Variants in NCALD observed in about 807,000 individuals in gnomAD.
NCALD encodes neurocalcin delta.
Under a neutral mutation model 18.6 loss-of-function variants are expected in NCALD, and 10 were observed. The observed-to-expected ratio is 0.54, with a 90% CI of 0.33 to 0.91. NCALD has a LOEUF of 0.91. Among genes scored for constraint, NCALD ranks in the 40% least tolerant of loss-of-function variants. The pLI, the probability that NCALD is intolerant of heterozygous loss-of-function variation, is 0.03. For synonymous variants in NCALD, 88 were observed against 87.4 expected, an observed-to-expected ratio of 1.01 and a Z score of -0.04; for missense variants, 184 against 247.6, an observed-to-expected ratio of 0.74 and a Z score of 1.72.
chr8:101,963,306 G>A (rs776442492), intron 2 of NCALD, among the ~76,000 whole-genome samples: 15 of 152,104 alleles, frequency 9.9e-5, no homozygotes, highest in Non-Finnish European at 1.9e-4. Flanking sequence ...ATTAATTACT[G>A]AGCACACATA....
intron 1 of NCALD, among the ~76,000 whole-genome samples, chr8:102,024,754 C>T (rs530648242): frequency 2.6e-5 from 4 of 152,342 alleles, no homozygotes; most frequent in Admixed American, 1.3e-4. Flanking sequence ...CCTTCAGCAT[C>T]TTCAAGTAAT....
intron 1 of NCALD, among the ~76,000 whole-genome samples, chr8:102,064,546 T>C (rs1823943657): frequency 6.6e-6 from 1 of 152,196 alleles, no homozygotes; most frequent in Non-Finnish European, 1.5e-5. Context: ...CATCATTCAC[T>C]CCCTTTCTCA....
intron 1 of NCALD, among the ~76,000 whole-genome samples, chr8:102,026,480 G>T (rs1822462878): frequency 6.6e-6 from 1 of 152,178 alleles, no homozygotes; most frequent in South Asian, 2.1e-4. Context: ...AAATTTTAAA[G>T]CTCCAAAATA....
At chr8:101,883,524 A>G (rs1042991021) in intron 4 of NCALD, among the ~76,000 whole-genome samples, 2 of 152,222 alleles carry the variant, frequency 1.3e-5, no homozygotes, top group African/African-American at 4.8e-5. Flanking sequence ...ATTGTCTCAG[A>G]AACAAGAACA....
chr8:101,793,349 CAAAAAAA>C (rs945645876), upstream of NCALD, among the ~76,000 whole-genome samples: 1 of 75,700 alleles, frequency 1.3e-5, no homozygotes, highest in African/African-American at 4.4e-5. Flanking sequence ...GACTCCGTCT[CAAAAAAA>C]AAAAAAAAAA....
intron 1 of NCALD, among the ~76,000 whole-genome samples, chr8:101,731,353 G>A (rs1166304995): frequency 1.3e-5 from 2 of 152,064 alleles, no homozygotes; most frequent in East Asian, 3.9e-4. Context: ...GATTTATATT[G>A]GCAAGAACTT....
intron 2 of NCALD, among the ~76,000 whole-genome samples, chr8:101,964,900 A>C (rs966299776): frequency 5.9e-5 from 9 of 152,208 alleles, no homozygotes; most frequent in Non-Finnish European, 1.3e-4. Flanking sequence ...AAGGCTTCTT[A>C]AGGCGTGTGT....
intron 1 of NCALD, among the ~76,000 whole-genome samples, chr8:101,758,213 C>A (rs1012643865): frequency 2.0e-5 from 3 of 152,150 alleles, no homozygotes; most frequent in African/African-American, 7.2e-5. Flanking sequence ...AATCTGGCCC[C>A]AGCCTGCCTT....
chr8:101,941,152 C>G (rs1356704812), intron 2 of NCALD, among the ~76,000 whole-genome samples: 6 of 152,188 alleles, frequency 3.9e-5, no homozygotes, highest in African/African-American at 1.4e-4. Context: ...CTATCATAGA[C>G]CAGTGGTCCC....
chr8:102,047,160 T>G (rs1473768825), intron 1 of NCALD, among the ~76,000 whole-genome samples: 1 of 152,236 alleles, frequency 6.6e-6, no homozygotes, highest in Admixed American at 6.5e-5. Flanking sequence ...TCTTTTTACA[T>G]GGCTGCATAG....
At chr8:101,827,455 C>T (rs964198296) in intron 4 of NCALD, among the ~76,000 whole-genome samples, 1 of 152,188 alleles carries the variant, frequency 6.6e-6, no homozygotes, top group Non-Finnish European at 1.5e-5. Context: ...AGCCACAAGT[C>T]CCTGAACAAA....
intron 1 of NCALD, among the ~76,000 whole-genome samples, chr8:102,044,561 G>A (rs776933154): frequency 5.3e-5 from 8 of 152,238 alleles, no homozygotes; most frequent in Admixed American, 2.0e-4. Context: ...CCTATAACGC[G>A]GTAATCACTG....
At chr8:101,866,718 A>C (rs1341684404) in intron 4 of NCALD, among the ~76,000 whole-genome samples, 3 of 152,158 alleles carry the variant, frequency 2.0e-5, no homozygotes. Context: ...TCCAGAATCC[A>C]ACCTCTTCTC....
At chr8:101,720,772 T>C (rs1438418526) in intron 1 of NCALD, among the ~76,000 whole-genome samples, 1 of 152,252 alleles carries the variant, frequency 6.6e-6, no homozygotes, top group Non-Finnish European at 1.5e-5. Flanking sequence ...TTTCTCAATG[T>C]ATAAAAAGTG....
At chr8:101,829,403 C>T (rs754560641) in intron 4 of NCALD, among the ~76,000 whole-genome samples, 15 of 152,114 alleles carry the variant, frequency 9.9e-5, no homozygotes, top group Non-Finnish European at 1.6e-4. Flanking sequence ...ATAAAGACTC[C>T]ACTATATTTT....
chr8:102,062,798 G>A (rs1823889798), intron 1 of NCALD, among the ~76,000 whole-genome samples: 1 of 152,156 alleles, frequency 6.6e-6, no homozygotes, highest in Non-Finnish European at 1.5e-5. Flanking sequence ...CAATCCACAA[G>A]CTCTTATAAA....
intron 2 of NCALD, among the ~76,000 whole-genome samples, chr8:101,976,045 G>A (rs6468807): frequency 0.4 from 60,287 of 151,850 alleles, 12,164 homozygotes; most frequent in South Asian, 0.45. Context: ...GATGCCGTGG[G>A]TTCGCTATAC....
chr8:101,788,649 A>G (rs1383843865), intron 1 of NCALD: 1 of 152,214 alleles, frequency 6.6e-6, no homozygotes, highest in Non-Finnish European at 1.5e-5. Flanking sequence ...TGCATGTAAA[A>G]ACATAATTCT....
intron 1 of NCALD, among the ~76,000 whole-genome samples, chr8:101,732,351 G>A (rs760812412): frequency 2.6e-5 from 4 of 152,110 alleles, no homozygotes; most frequent in Non-Finnish European, 5.9e-5. Context: ...AGGAGCTCAA[G>A]TCCCCATTTT....
Sources: allele counts gnomAD v4.1 joint callset (sites outside exome capture counted in the v4.1 genomes callset), GRCh38; gene constraint gnomAD v4.1.1; transcripts MANE v1.5; gene names NCBI Gene and HGNC (gene_info 2026-07-23, HGNC 2026-07-21).